Variants in NUP93 observed in about 807,000 individuals in gnomAD.
The protein encoded by NUP93 is nuclear pore complex protein Nup93.
A neutral mutation model predicts 107.8 loss-of-function variants in NUP93; 55 were observed. The ratio of observed to expected loss-of-function variants is 0.51; its 90% CI spans 0.41 to 0.64. The LOEUF is 0.64. Among genes scored for constraint, NUP93 ranks in the 30% least tolerant of loss-of-function variants. The probability of loss-of-function intolerance (pLI) is 0.00; values close to 1 mark genes in which losing one functional copy is unlikely to be tolerated. For synonymous variants in NUP93, 390 were observed against 397.5 expected, an observed-to-expected ratio of 0.98 and a Z score of 0.22; for missense variants, 937 against 1,044.7, an observed-to-expected ratio of 0.90 and a Z score of 1.42.
chr16:56,816,012 C>G (rs1963424240), intron 5 of NUP93, among the ~76,000 whole-genome samples: 1 of 152,176 alleles, frequency 6.6e-6, no homozygotes, highest in Admixed American at 6.5e-5. Context: ...CTGGGCAGCC[C>G]TGGCAGGCAG....
At chr16:56,841,105 C>T (rs1232449149) in intron 20 of NUP93, among the ~76,000 whole-genome samples, 1 of 152,204 alleles carries the variant, frequency 6.6e-6, no homozygotes, top group African/African-American at 2.4e-5. Flanking sequence ...GGTCTTGCCC[C>T]TTGCTGACCT....
At chr16:56,772,649 CT>C (rs765928054) in intron 3 of NUP93, among the ~76,000 whole-genome samples, 5 of 152,218 alleles carry the variant, frequency 3.3e-5, no homozygotes, top group Non-Finnish European at 7.3e-5. Context: ...CTCCACTGCC[CT>C]ACATACTCTC....
Position 56,847,402 on chromosome 16 carries a change from C to T in NUP93, c.*2793C>T, listed in dbSNP as rs1964128471. On this transcript the variant is annotated 3_prime_UTR_variant, in exon 22 of 22. Transcript: ENST00000308159. Reference sequence around the variant, plus strand: ...TTCCTTAGATGTTGGGCCAGGATTTCACTATTTACCCAGAGAAACTAAGAG... The same window carrying T: ...TTCCTTAGATGTTGGGCCAGGATTTTACTATTTACCCAGAGAAACTAAGAG... 1 of 152,184 alleles carries T rather than the reference C, an allele frequency of 6.6e-6. No homozygotes were observed. The highest frequency in any genetic ancestry group is 1.5e-5 in the Non-Finnish European group (1 of 68,040). 9.4% of individuals were successfully genotyped at this position (152,184 alleles called of 1,614,324 possible).
intron 9 of NUP93, 73 bp from the exon 10 acceptor site, chr16:56,830,455 C>A: frequency 7.1e-7 from 1 of 1,404,470 alleles, no homozygotes; most frequent in South Asian, 1.6e-5. Context: ...AGGGGCTTAG[C>A]TCGGTTTTAG....
chr16:56,835,239 T>C (rs1963885923), intron 16 of NUP93, among the ~76,000 whole-genome samples: 1 of 152,212 alleles, frequency 6.6e-6, no homozygotes, highest in African/African-American at 2.4e-5. Context: ...TTGAGGGATT[T>C]CAGGACTCAC....
rs1964095569 is a variant in NUP93, at chr16:56,844,812, T to G, written c.*203T>G. On this transcript the variant is annotated 3_prime_UTR_variant, in exon 22 of 22. Coordinates refer to ENST00000308159, the MANE Select transcript of NUP93 (RefSeq NM_014669.5). ...TTTTCTTTTTTTTTTTCTTTGAAAT[T>G]TTGTTTACATTTTTATTTGTGTAAT... is the stretch of plus-strand genomic sequence containing the variant. The G allele has an allele frequency of 4.9e-6, 2 of 407,202 alleles. No homozygotes were observed. The highest frequency in any genetic ancestry group is 8.7e-6 in the Non-Finnish European group (2 of 231,108). 25.2% of individuals were successfully genotyped at this position (407,202 alleles called of 1,614,324 possible).
intron 2 of NUP93, among the ~76,000 whole-genome samples, chr16:56,750,420 T>C (rs1414044238): frequency 6.6e-6 from 1 of 152,284 alleles, no homozygotes; most frequent in Admixed American, 6.5e-5. Flanking sequence ...AAGAAAATTC[T>C]GTCTTTAAGA....
At chr16:56,730,269 C>T (rs974085481) in intron 1 of NUP93, 58 bp downstream of exon 1, 1 of 152,436 alleles carries the variant, frequency 6.6e-6, no homozygotes, top group East Asian at 1.9e-4. Flanking sequence ...AACCCAGGAC[C>T]CCGTGACTGG....
At position 56,831,869 on chromosome 16, in the gene NUP93, C is replaced by T; in HGVS notation, c.1113C>T (p.Leu371=). ...TGTCCCCAGCTACGGAAAACAAGCT[C>T]CGGCTGCATTACCGTAGGGCCCTCA... The part of the protein sequence containing the change: ...RRLSPATENK[L]RLHYRRALRN... The change falls in exon 11 of 22, where the codon CTC becomes CTT. Residue 371 remains leucine (L), a synonymous_variant. Transcript: ENST00000308159. 1 of 1,614,096 alleles carries T rather than the reference C, an allele frequency of 6.2e-7. No individual in the cohort carries two copies. Among genetic ancestry groups the T allele is most frequent in the East Asian group, 2.2e-5 (1 of 44,874 alleles).
rs1385433745 is a variant in NUP93, at chr16:56,848,150, C to T, written c.*3541C>T. 5 of 152,208 alleles carry T rather than the reference C, an allele frequency of 3.3e-5. No homozygotes were observed. The highest frequency in any genetic ancestry group is 7.2e-5 in the African/African-American group (3 of 41,440). 9.4% of individuals were successfully genotyped at this position (152,208 alleles called of 1,614,324 possible). Reference sequence around the variant, plus strand: ...TTTGTCTAGTTCATTAGGTGGTTCACATCACTTGCCAAATTTCCAGCATGC... The same window carrying T: ...TTTGTCTAGTTCATTAGGTGGTTCATATCACTTGCCAAATTTCCAGCATGC... On this transcript the variant is annotated 3_prime_UTR_variant, in exon 22 of 22. Coordinates refer to ENST00000308159, the MANE Select transcript of NUP93 (RefSeq NM_014669.5).
chr16:56,795,793 C>G (rs1962883945), intron 3 of NUP93, among the ~76,000 whole-genome samples: 3 of 152,112 alleles, frequency 2.0e-5, no homozygotes, highest in South Asian at 2.1e-4. Flanking sequence ...ATTATAGGCG[C>G]CCGCCACCAC....
chr16:56,770,412 T>A (rs1265102734), intron 3 of NUP93, among the ~76,000 whole-genome samples: 1 of 152,230 alleles, frequency 6.6e-6, no homozygotes, highest in Non-Finnish European at 1.5e-5. Context: ...GGGTGTGTTT[T>A]CACCCCTTGA....
chr16:56,823,413 G>A (rs1404569888), intron 7 of NUP93, among the ~76,000 whole-genome samples: 1 of 152,138 alleles, frequency 6.6e-6, no homozygotes, highest in East Asian at 1.9e-4. Context: ...CAGTGTTCTC[G>A]TGACTTGTAT....
At chr16:56,831,233 T>C (rs1963779297) in intron 10 of NUP93, among the ~76,000 whole-genome samples, 1 of 152,226 alleles carries the variant, frequency 6.6e-6, no homozygotes, top group Non-Finnish European at 1.5e-5. Flanking sequence ...CTTAAGCTCA[T>C]ACTCAAACTG....
rs373673648 is a variant in NUP93, at chr16:56,768,662, C to G, written c.297+10007C>G. On this transcript the variant is annotated intron_variant, in intron 3 of 21. Coordinates refer to ENST00000308159, the MANE Select transcript of NUP93 (RefSeq NM_014669.5). ...CGGGCGGATCACAAGGTCAGGAGAT[C>G]GAGACCATCCTGGCTAACACGGTGA... 2.6e-3 allele frequency among the ~76,000 whole-genome samples: 395 copies of G among 150,990 alleles called. 1 individual carries two copies. The highest frequency in any genetic ancestry group is 8.8e-3 in the African/African-American group (361 of 41,044).
Position 56,846,614 on chromosome 16 carries a change from G to T in NUP93, c.*2005G>T, listed in dbSNP as rs191765219. 6.6e-6 allele frequency: 1 copy of T among 152,110 alleles called. No individual in the cohort carries two copies. Among genetic ancestry groups the T allele is most frequent in the Non-Finnish European group, 1.5e-5 (1 of 68,050 alleles). 9.4% of individuals were successfully genotyped at this position (152,110 alleles called of 1,614,324 possible). On this transcript the variant is annotated 3_prime_UTR_variant, in exon 22 of 22. Coordinates refer to ENST00000308159, the MANE Select transcript of NUP93 (RefSeq NM_014669.5). The stretch of plus-strand genomic sequence containing the variant: ...AATCCCAGCTACTCGGGAGGCTGAG[G>T]CAGGAGAATCACTTGAACCCAAGAG...
Position 56,753,041 on chromosome 16 carries a change from CAT to C in NUP93, c.179+4618_179+4619del, listed in dbSNP as rs529226984. On this transcript the variant is annotated intron_variant, in intron 2 of 21. Coordinates refer to ENST00000308159, the MANE Select transcript of NUP93 (RefSeq NM_014669.5). ...GGATAATAACTGCATTGGATTGAAA[CAT>C]ATCAAATATGTTTAAAATTTATGAG... Among the ~76,000 whole-genome samples, 1,334 of 152,252 alleles carry C rather than the reference CAT, an allele frequency of 8.8e-3. 17 individuals are homozygous for C. The highest frequency in any genetic ancestry group is 0.03 in the African/African-American group (1,262 of 41,550).
chr16:56,792,943 C>T lies in NUP93; in HGVS notation c.298-5533C>T, dbSNP rs562376871. Reference sequence around the variant, plus strand: ...AATGTTGCCTCTGCCTCTTCCTGGTCGGGAATTTTTGCTCAAGTTAGTTAA... The same window carrying T: ...AATGTTGCCTCTGCCTCTTCCTGGTTGGGAATTTTTGCTCAAGTTAGTTAA... On this transcript the variant is annotated intron_variant, in intron 3 of 21. Coordinates refer to ENST00000308159, the MANE Select transcript of NUP93 (RefSeq NM_014669.5). Among the ~76,000 whole-genome samples the T allele has an allele frequency of 9.2e-5, 14 of 152,214 alleles. No homozygotes were observed. The South Asian group carries it at 2.7e-3, about 29-fold the overall frequency.
At chr16:56,734,705 G>A (rs1437698096) in intron 1 of NUP93, among the ~76,000 whole-genome samples, 1 of 152,194 alleles carries the variant, frequency 6.6e-6, no homozygotes, top group Non-Finnish European at 1.5e-5. Flanking sequence ...ATGTATATAT[G>A]AATAAATGTA....
Sources: allele counts gnomAD v4.1 joint callset (sites outside exome capture counted in the v4.1 genomes callset), GRCh38; gene constraint gnomAD v4.1.1; transcripts MANE v1.5; gene names NCBI Gene and HGNC (gene_info 2026-07-23, HGNC 2026-07-21).